The following NUSAP1 variants were observed in gnomAD, a reference collection of about 807,000 sequenced individuals.
NUSAP1 encodes nucleolar and spindle associated protein 1.
Under a neutral mutation model 52.8 loss-of-function variants are expected in NUSAP1, and 32 were observed. The ratio of observed to expected loss-of-function variants is 0.61; its 90% CI spans 0.46 to 0.81. The LOEUF (loss-of-function observed/expected upper bound fraction) is 0.81. Among genes scored for constraint, NUSAP1 ranks in the 40% least tolerant of loss-of-function variants. The pLI, the probability that NUSAP1 is intolerant of heterozygous loss-of-function variation, is 0.00. For missense variants in NUSAP1, 499 were observed against 522.3 expected, an observed-to-expected ratio of 0.96 and a Z score of 0.43; for synonymous variants, 195 against 183.1, an observed-to-expected ratio of 1.06 and a Z score of -0.52.
At chr15:41,378,944 G>T (rs1290625582) in intron 10 of NUSAP1, among the ~76,000 whole-genome samples, 37 of 63,242 alleles carry the variant, frequency 5.9e-4, no homozygotes, top group South Asian at 1.5e-3. Flanking sequence ...ACTTATCTTG[G>T]TTTTTTTTTT....
chr15:41,364,426 GTCCCA>G (rs1379597090), intron 6 of NUSAP1, among the ~76,000 whole-genome samples: 1 of 151,770 alleles, frequency 6.6e-6, no homozygotes, highest in South Asian at 2.1e-4. Flanking sequence ...GGTGCCTGTA[GTCCCA>G]GCTATTTGGG....
chr15:41,336,902 G>T (rs2048173002), intron 1 of NUSAP1, among the ~76,000 whole-genome samples: 1 of 150,298 alleles, frequency 6.7e-6, no homozygotes, highest in Non-Finnish European at 1.5e-5. Flanking sequence ...CTCCCTTGAT[G>T]ACTTTACCTC....
intron 8 of NUSAP1, among the ~76,000 whole-genome samples, chr15:41,372,127 G>A (rs2049723953): frequency 6.6e-6 from 1 of 152,078 alleles, no homozygotes; most frequent in Admixed American, 6.6e-5. Context: ...TTTTACCATA[G>A]TGTATTTTTA....
At chr15:41,374,402 A>G (rs372766946) in intron 8 of NUSAP1, among the ~76,000 whole-genome samples, 2 of 152,150 alleles carry the variant, frequency 1.3e-5, no homozygotes, top group Admixed American at 6.6e-5. Context: ...TGGGGTCCCT[A>G]TATAAGGCCC....
At chr15:41,373,443 A>G (rs8023925) in intron 8 of NUSAP1, among the ~76,000 whole-genome samples, 2 of 144,506 alleles carry the variant, frequency 1.4e-5, no homozygotes, top group East Asian at 2.0e-4. Context: ...GCAAAAATTC[A>G]TATTCTTTTT....
At chr15:41,338,441 C>T (rs938374735) in intron 1 of NUSAP1, among the ~76,000 whole-genome samples, 1 of 152,154 alleles carries the variant, frequency 6.6e-6, no homozygotes, top group Non-Finnish European at 1.5e-5. Context: ...CTCTTCTTCA[C>T]CCACAGCCAT....
In NUSAP1 at chr15:41,363,489, C is replaced by T. The variant is rs187719258; in HGVS notation, c.661-1913C>T. Among the ~76,000 whole-genome samples, 379 of 152,014 alleles carry T rather than the reference C, an allele frequency of 2.5e-3. 2 individuals are homozygous for T. The highest frequency in any genetic ancestry group is 6.4e-3 in the South Asian group (31 of 4,822). On this transcript the variant is annotated intron_variant, in intron 6 of 10. Transcript: ENST00000559596. ...TCCTGGGCTCAGGTGATCCTCACACCTCAGCCTCCTTAGTAGCTGGGACAA... is the reference window on the plus strand; with the variant it reads ...TCCTGGGCTCAGGTGATCCTCACACTTCAGCCTCCTTAGTAGCTGGGACAA...
chr15:41,335,238 C>T (rs2140490861), intron 1 of NUSAP1, among the ~76,000 whole-genome samples: 1 of 144,932 alleles, frequency 6.9e-6, no homozygotes, highest in African/African-American at 2.5e-5. Context: ...TATAATTATG[C>T]TAATAAAATT....
chr15:41,339,200 A>G (rs1162470013), intron 1 of NUSAP1, among the ~76,000 whole-genome samples: 1 of 152,202 alleles, frequency 6.6e-6, no homozygotes, highest in Non-Finnish European at 1.5e-5. Context: ...TGAGTACACT[A>G]ATGCATTAGA....
chr15:41,373,484 C>T (rs2049794560), intron 8 of NUSAP1, among the ~76,000 whole-genome samples: 2 of 138,502 alleles, frequency 1.4e-5, no homozygotes, highest in South Asian at 2.4e-4. Flanking sequence ...GAGTCTCACT[C>T]TATCACCCAG....
chr15:41,369,513 TG>T (rs1342791686), intron 7 of NUSAP1, among the ~76,000 whole-genome samples: 1 of 151,868 alleles, frequency 6.6e-6, no homozygotes, highest in African/African-American at 2.4e-5. Flanking sequence ...CTGGGCATGG[TG>T]GTGTGCACCT....
intron 6 of NUSAP1, among the ~76,000 whole-genome samples, chr15:41,363,246 A>G (rs904697062): frequency 2.6e-4 from 39 of 149,862 alleles, no homozygotes; most frequent in African/African-American, 8.8e-4. Context: ...ATATCACGCC[A>G]TTGCACTCCA....
chr15:41,369,587 T>G (rs1031979700), intron 7 of NUSAP1, among the ~76,000 whole-genome samples: 3 of 151,342 alleles, frequency 2.0e-5, no homozygotes, highest in East Asian at 2.0e-4. Flanking sequence ...GGTGGAGGTT[T>G]CAGTGAGCCA....
chr15:41,344,250 TTG>T (rs1402671814), intron 2 of NUSAP1: 1 of 149,370 alleles, frequency 6.7e-6, no homozygotes, highest in Non-Finnish European at 1.5e-5. Flanking sequence ...CAACTAAAAA[TTG>T]TCTCTTTATA....
At chr15:41,336,504 G>T (rs1180973233) in intron 1 of NUSAP1, among the ~76,000 whole-genome samples, 1 of 151,840 alleles carries the variant, frequency 6.6e-6, no homozygotes, top group African/African-American at 2.4e-5. Context: ...ACCCAAGCCT[G>T]ATTAAACCCA....
intron 1 of NUSAP1, among the ~76,000 whole-genome samples, chr15:41,336,092 T>G (rs985302162): frequency 5.3e-5 from 8 of 150,862 alleles, no homozygotes; most frequent in Admixed American, 2.0e-4. Context: ...AAACCCCATC[T>G]ATACTAAAAA....
At chr15:41,354,729 G>A (rs1477518593) in intron 4 of NUSAP1, among the ~76,000 whole-genome samples, 5 of 150,282 alleles carry the variant, frequency 3.3e-5, no homozygotes, top group Non-Finnish European at 7.4e-5. Context: ...TAATAGAGAC[G>A]GGGTCAGGGC....
At chr15:41,349,611 T>A (rs1340124831) in intron 3 of NUSAP1, among the ~76,000 whole-genome samples, 1 of 152,194 alleles carries the variant, frequency 6.6e-6, no homozygotes, top group Non-Finnish European at 1.5e-5. Context: ...GGCCTGGTGA[T>A]CACCCTGTAC....
At chr15:41,360,516 C>G (rs2049131288) in intron 6 of NUSAP1, among the ~76,000 whole-genome samples, 2 of 152,070 alleles carry the variant, frequency 1.3e-5, no homozygotes, top group African/African-American at 4.8e-5. Flanking sequence ...CGGGGTTTCA[C>G]TATGTTGGCC....
Sources: gnomAD v4.1 joint callset for allele counts (sites outside exome capture counted in the v4.1 genomes callset) on GRCh38, gnomAD v4.1.1 for gene constraint, MANE v1.5 for transcripts, NCBI Gene and HGNC (gene_info 2026-07-23, HGNC 2026-07-21) for gene names.